INO80: variants seen among roughly 807,000 people sequenced by gnomAD.
INO80 encodes the protein chromatin-remodeling ATPase INO80.
INO80 carries 20 observed loss-of-function variants against 203.4 expected under a neutral mutation model. The ratio of observed to expected loss-of-function variants is 0.10; its 90% CI spans 0.07 to 0.14. The LOEUF is 0.14. INO80 is among the 10% of genes least tolerant of loss of function. The probability of loss-of-function intolerance (pLI) is 1.00; values close to 1 mark genes in which losing one functional copy is unlikely to be tolerated. For missense variants in INO80, 1,419 were observed against 1,914.4 expected, an observed-to-expected ratio of 0.74 and a Z score of 4.83; for synonymous variants, 726 against 685.2, an observed-to-expected ratio of 1.06 and a Z score of -0.93.
intron 7 of INO80, among the ~76,000 whole-genome samples, chr15:41,084,834 G>T (rs1038007236): frequency 6.6e-6 from 1 of 152,072 alleles, no homozygotes; most frequent in African/African-American, 2.4e-5. Context: ...CAACCTCCTG[G>T]GCTCTATCTA....
intron 21 of INO80, 82 bp from the exon 22 acceptor site, chr15:41,048,358 T>A: frequency 9.6e-7 from 1 of 1,044,282 alleles, no homozygotes; most frequent in Non-Finnish European, 1.5e-6. Context: ...CCATAGCAAG[T>A]AAAACCTTTT....
At chr15:41,020,337 T>C (rs1393804682) in intron 26 of INO80, among the ~76,000 whole-genome samples, 1 of 152,192 alleles carries the variant, frequency 6.6e-6, no homozygotes, top group Non-Finnish European at 1.5e-5. Flanking sequence ...CGTGAGCCTA[T>C]GAATTATCTG....
At chr15:41,000,706 C>CAAAAAAA (rs58232890) in intron 28 of INO80, among the ~76,000 whole-genome samples, 8 of 56,798 alleles carry the variant, frequency 1.4e-4, no homozygotes, top group Admixed American at 2.3e-4. Context: ...CACCCTGTCT[C>CAAAAAAA]AAAAAAAAAA....
Position 41,023,788 on chromosome 15 carries a change from AC to A in INO80, c.3049-2664del, listed in dbSNP as rs1566915153. Among the ~76,000 whole-genome samples the A allele has an allele frequency of 2.5e-3, 357 of 145,398 alleles. 35 individuals carry two copies. The highest frequency in any genetic ancestry group is 8.5e-3 in the African/African-American group (332 of 38,934). ...TGTCTCAAAAAAAAAAAAAAACAAA[AC>A]AAAACGAAAAAAAGAAACAAAAAAA... On this transcript the variant is annotated intron_variant, in intron 25 of 35. Transcript: ENST00000648947.
At chr15:41,070,420 AC>A in intron 13 of INO80, 46 bp downstream of exon 13, 2 of 1,518,554 alleles carry the variant, frequency 1.3e-6, no homozygotes, top group Non-Finnish European at 1.8e-6. Flanking sequence ...AACAGAAATT[AC>A]CCTAAATTCT....
chr15:41,011,418 A>G (rs2044131594), intron 27 of INO80, among the ~76,000 whole-genome samples: 1 of 152,194 alleles, frequency 6.6e-6, no homozygotes, highest in Non-Finnish European at 1.5e-5. Context: ...CGTCTAACTA[A>G]TATTTGCATC....
chr15:41,047,550 T>C (rs1266657861), intron 22 of INO80, 49 bp from the exon 23 acceptor site: 9 of 1,312,230 alleles, frequency 6.9e-6, no homozygotes, highest in Non-Finnish European at 9.8e-6. Flanking sequence ...CAAGAGACGA[T>C]GCTCAGTTAA....
chr15:41,099,275 AC>A (rs2045772294), intron 1 of INO80, among the ~76,000 whole-genome samples: 2 of 140,926 alleles, frequency 1.4e-5, no homozygotes, highest in African/African-American at 2.6e-5. Flanking sequence ...AAACAAACAC[AC>A]ACACACACAC....
chr15:41,056,103 CTGGCTAATTTTTTGATTTTTTT>C (rs1414301547), intron 17 of INO80, among the ~76,000 whole-genome samples: 1 of 151,982 alleles, frequency 6.6e-6, no homozygotes, highest in Non-Finnish European at 1.5e-5. Flanking sequence ...ACCACTATGC[CTGGCTAATTTTTTGATTTTTTT>C]TGTAGCGTCC....
intron 23 of INO80, 120 bp downstream of exon 23, chr15:41,047,288 G>T: frequency 2.7e-6 from 2 of 729,586 alleles, no homozygotes; most frequent in Non-Finnish European, 2.3e-6. Context: ...CTTAACAAAA[G>T]AAAATTAATG....
rs1192742181 is a variant in INO80, at chr15:40,979,167, G to C, written c.*1056C>G. On this transcript the variant is annotated 3_prime_UTR_variant, in exon 36 of 36. Coordinates refer to ENST00000648947, the MANE Select transcript of INO80 (RefSeq NM_017553.3). ...TCGAAACTCAATTCCGCGATTTTCA[G>C]GTGTGCAAATCAGAGGCTTGCCCGC... 1.3e-5 allele frequency: 2 copies of C among 152,584 alleles called. No individual in the cohort carries two copies. The highest frequency in any genetic ancestry group is 4.8e-5 in the African/African-American group (2 of 41,448). The allele number at this position is 152,584 out of a possible 1,614,324, so 9.5% of individuals were successfully genotyped here.
chr15:41,073,557 T>C lies in INO80; in HGVS notation c.1328-62A>G, dbSNP rs2045356895. 4.0e-6 allele frequency: 5 copies of C among 1,263,304 alleles called. No homozygotes were observed. The Admixed American group carries it at 8.4e-5, about 21-fold the overall frequency. 78.3% of individuals were successfully genotyped at this position (1,263,304 alleles called of 1,614,324 possible). A position where few individuals can be genotyped will look rare whatever the true frequency, so the allele number is the denominator to read the frequency against. ...AACTGATTTTGTTCTAAGATACAAT[T>C]AACACCAATGTATGTGGATCCCTGA... On this transcript the variant is annotated intron_variant, in intron 10 of 35. Transcript: ENST00000648947.
Position 41,092,040 on chromosome 15 carries a change from C to T in INO80, c.524G>A (p.Ser175Asn). ...TGAAACTCTTACCTCCTTGTCTTTACTATACTTATTTTGGTGAAGTTTCTT... is the reference window on the plus strand; with the variant it reads ...TGAAACTCTTACCTCCTTGTCTTTATTATACTTATTTTGGTGAAGTTTCTT... Reference protein sequence around the residue: ...KYKKLHQNKYSKDKELQQYQY... With the variant: ...KYKKLHQNKYNKDKELQQYQY... Residue 175 changes from serine (S) to asparagine (N), a missense_variant, in exon 5 of 36, where the codon AGT (serine) becomes AAT (asparagine). Around this residue, in one of 9 missense-constraint regions of INO80, gnomAD observed 323 missense variants for 325.4 expected, o/e 0.99. Coordinates refer to ENST00000648947, the MANE Select transcript of INO80 (RefSeq NM_017553.3). 1 of 1,607,972 alleles carries T rather than the reference C, an allele frequency of 6.2e-7. No individual in the cohort carries two copies. Among genetic ancestry groups the T allele is most frequent in the African/African-American group, 1.3e-5 (1 of 74,952 alleles).
At chr15:41,061,673 TA>T (rs142797358) in intron 14 of INO80, among the ~76,000 whole-genome samples, 2 of 152,082 alleles carry the variant, frequency 1.3e-5, no homozygotes, top group South Asian at 2.1e-4. Flanking sequence ...AAAAATACTT[TA>T]AAAAATGCTA....
chr15:41,094,208 T>A (rs562106574), intron 4 of INO80, among the ~76,000 whole-genome samples: 1 of 152,340 alleles, frequency 6.6e-6, no homozygotes, highest in South Asian at 2.1e-4. Flanking sequence ...GGCTTATGCC[T>A]ACGACAGTAA....
At chr15:40,995,044 T>G (rs2043864198) in intron 29 of INO80, among the ~76,000 whole-genome samples, 1 of 151,934 alleles carries the variant, frequency 6.6e-6, no homozygotes, top group South Asian at 2.1e-4. Context: ...TTAGCAGAGA[T>G]ATGGTTTCAC....
intron 14 of INO80, 50 bp from the exon 15 acceptor site, chr15:41,059,976 G>T: frequency 8.4e-7 from 1 of 1,192,090 alleles, no homozygotes; most frequent in Non-Finnish European, 1.2e-6. Flanking sequence ...GATCTTAAAA[G>T]TATTAGAACA....
chr15:41,046,816 C>G (rs1451211232), intron 23 of INO80, among the ~76,000 whole-genome samples: 1 of 151,454 alleles, frequency 6.6e-6, no homozygotes, highest in Non-Finnish European at 1.5e-5. Flanking sequence ...TGGGGTTTCA[C>G]CATGTTAGCC....
intron 19 of INO80, among the ~76,000 whole-genome samples, chr15:41,051,411 T>C (rs1269230353): frequency 1.3e-5 from 2 of 151,502 alleles, no homozygotes; most frequent in East Asian, 1.9e-4. Context: ...AGCAAAACTA[T>C]AGTAAGATAG....
Sources: allele counts gnomAD v4.1 joint callset (sites outside exome capture counted in the v4.1 genomes callset), GRCh38; gene constraint gnomAD v4.1.1; regional missense constraint gnomAD v4.1.1; transcripts MANE v1.5; gene names NCBI Gene and HGNC (gene_info 2026-07-23, HGNC 2026-07-21).